FERMT2: variants seen among roughly 807,000 people sequenced by gnomAD.
FERMT2 encodes the protein fermitin family homolog 2.
In FERMT2, 15 loss-of-function variants were observed where a neutral mutation model predicts 82.7. That is an observed-to-expected ratio of 0.18 (90% confidence interval 0.12 to 0.28). The LOEUF is 0.28. Among genes scored for constraint, FERMT2 ranks in the 10% least tolerant of loss-of-function variants. The pLI is 1.00. For missense variants in FERMT2, 645 were observed against 809.4 expected, an observed-to-expected ratio of 0.80 and a Z score of 2.46; for synonymous variants, 274 against 271.5, an observed-to-expected ratio of 1.01 and a Z score of -0.09.
At chr14:52,928,259 C>T (rs931940175) in intron 2 of FERMT2, 2 of 206,024 alleles carry the variant, frequency 9.7e-6, no homozygotes, top group South Asian at 8.0e-5. Context: ...CTTATAAGCA[C>T]AGATAACTTT....
At chr14:52,859,491 G>C in intron 14 of FERMT2, 82 bp downstream of exon 14, 7 of 1,251,198 alleles carry the variant, frequency 5.6e-6, no homozygotes, top group Non-Finnish European at 7.4e-6. Context: ...ATAATCATCA[G>C]AATTTATAGG....
intron 7 of FERMT2, among the ~76,000 whole-genome samples, chr14:52,877,069 C>T (rs563718039): frequency 1.2e-4 from 19 of 152,260 alleles, no homozygotes; most frequent in African/African-American, 4.6e-4. Flanking sequence ...GCTGCAGAAT[C>T]ATGCCATTCC....
chr14:52,860,465 T>C lies in FERMT2; in HGVS notation c.1603A>G (p.Ile535Val), dbSNP rs764214654. The change falls in exon 13 of 15, where the codon ATA becomes GTA. Residue 535 changes from isoleucine to valine, a missense_variant and splice_region_variant. Coordinates refer to ENST00000341590, the MANE Select transcript of FERMT2 (RefSeq NM_006832.3). ...TGGGCCTCCAAGATTCTCGCTGTTA[T>C]CTAAACATGAGTAAACATCACCTTT... ...RYLKKYKNKQ[I>V]TARILEAHQN... The C allele has an allele frequency of 5.0e-6, 8 of 1,611,428 alleles. No homozygotes were observed. Among genetic ancestry groups the C allele is most frequent in the African/African-American group, 1.3e-5 (1 of 74,928 alleles).
At chr14:52,936,151 G>A (rs1055758456) in intron 2 of FERMT2, among the ~76,000 whole-genome samples, 1 of 152,076 alleles carries the variant, frequency 6.6e-6, no homozygotes, top group African/African-American at 2.4e-5. Flanking sequence ...AGTTAGTATT[G>A]GACTTAGAGA....
intron 14 of FERMT2, 74 bp downstream of exon 14, chr14:52,859,499 A>C: frequency 2.1e-5 from 26 of 1,239,956 alleles, no homozygotes; most frequent in Non-Finnish European, 2.7e-5. Flanking sequence ...CAGAATTTAT[A>C]GGCCTTTTTA....
chr14:52,931,193 A>G lies in FERMT2; in HGVS notation c.158-11837T>C, dbSNP rs561274504. Among the ~76,000 whole-genome samples the G allele has an allele frequency of 1.7e-3, 254 of 152,342 alleles. 3 individuals are homozygous for G. Among genetic ancestry groups the G allele is most frequent in the African/African-American group, 1.4e-3 (60 of 41,586 alleles). ...GTTGGGCAATGGAATATAAAAATTA[A>G]TAAGAATTACCATCCCAGTGGCACT... is the stretch of plus-strand genomic sequence containing the variant. On this transcript the variant is annotated intron_variant, in intron 2 of 14. Coordinates refer to ENST00000341590, the MANE Select transcript of FERMT2 (RefSeq NM_006832.3).
chr14:52,935,624 C>A (rs560868977), intron 2 of FERMT2, among the ~76,000 whole-genome samples: 1 of 152,172 alleles, frequency 6.6e-6, no homozygotes, highest in South Asian at 2.1e-4. Context: ...TTAGATCTGG[C>A]AGCCTCCAGA....
intron 12 of FERMT2, chr14:52,861,058 GA>G: frequency 6.8e-7 from 1 of 1,469,860 alleles, no homozygotes; most frequent in Non-Finnish European, 9.0e-7. Context: ...TGCGAGGAAA[GA>G]AAAAGGAAGC....
intron 3 of FERMT2, among the ~76,000 whole-genome samples, chr14:52,913,048 CTTG>C (rs972593161): frequency 6.6e-6 from 1 of 152,092 alleles, no homozygotes; most frequent in Admixed American, 6.5e-5. Flanking sequence ...GCTTTCTTTT[CTTG>C]TTTATACAAA....
chr14:52,863,587 A>G (rs985397153), intron 12 of FERMT2: 69 of 152,336 alleles, frequency 4.5e-4, no homozygotes, highest in African/African-American at 1.6e-3. Flanking sequence ...TTATGGTATT[A>G]ATTTCCAAAG....
chr14:52,924,644 A>G (rs995914678), intron 2 of FERMT2, among the ~76,000 whole-genome samples: 1 of 152,198 alleles, frequency 6.6e-6, no homozygotes, highest in Non-Finnish European at 1.5e-5. Flanking sequence ...CAACCATTTC[A>G]GTTATAATGG....
intron 2 of FERMT2, among the ~76,000 whole-genome samples, chr14:52,936,428 T>A (rs529736538): frequency 2.0e-5 from 3 of 152,312 alleles, no homozygotes; most frequent in African/African-American, 7.2e-5. Flanking sequence ...ATCTGATGTC[T>A]CCCCCTATTT....
chr14:52,922,873 G>A (rs1889040560), intron 2 of FERMT2, among the ~76,000 whole-genome samples: 1 of 152,154 alleles, frequency 6.6e-6, no homozygotes, highest in Admixed American at 6.6e-5. Flanking sequence ...CTTAACAAGG[G>A]GGATAAGATC....
At chr14:52,932,496 G>A (rs957936870) in intron 2 of FERMT2, among the ~76,000 whole-genome samples, 2 of 152,148 alleles carry the variant, frequency 1.3e-5, no homozygotes, top group African/African-American at 2.4e-5. Context: ...AAGAGGTTAT[G>A]GTTAGCAGCC....
intron 2 of FERMT2, among the ~76,000 whole-genome samples, chr14:52,930,984 G>A (rs980344151): frequency 9.2e-5 from 14 of 152,118 alleles, no homozygotes; most frequent in Admixed American, 2.0e-4. Context: ...TTCGATTTTA[G>A]AGTTGGGGAT....
intron 12 of FERMT2, chr14:52,861,814 G>C (rs1884958036): frequency 6.6e-6 from 1 of 152,110 alleles, no homozygotes; most frequent in South Asian, 2.1e-4. Context: ...ATTAAAGTAG[G>C]TTAAATACAA....
Position 52,873,007 on chromosome 14 carries a change from T to C in FERMT2, c.1149-84A>G. 6 of 1,369,456 alleles carry C rather than the reference T, an allele frequency of 4.4e-6. No homozygotes were observed. The South Asian group carries it at 6.4e-5, about 15-fold the overall frequency. The allele number at this position is 1,369,456 out of a possible 1,614,324, so 84.8% of individuals were successfully genotyped here. A position where few individuals can be genotyped will look rare whatever the true frequency, so the allele number is the denominator to read the frequency against. ...ATTAGCAAAGTTTCACAATATTAAT[T>C]TAAGTCTGGGGTCAAGTTTTACACG... is the stretch of plus-strand genomic sequence containing the variant. On this transcript the variant is annotated intron_variant, in intron 9 of 14. Coordinates refer to ENST00000341590, the MANE Select transcript of FERMT2 (RefSeq NM_006832.3).
chr14:52,893,436 A>G lies in FERMT2; in HGVS notation c.392-9T>C, dbSNP rs750630471. On this transcript the variant is annotated splice_polypyrimidine_tract_variant and intron_variant, in intron 3 of 14. Coordinates refer to ENST00000341590, the MANE Select transcript of FERMT2 (RefSeq NM_006832.3). The stretch of plus-strand genomic sequence containing the variant: ...TTCGGGGTGTCTGATATCTGTTAAT[A>G]AAATAGATTGTTTTACTAGAACAAA... 4 of 1,571,956 alleles carry G rather than the reference A, an allele frequency of 2.5e-6. No homozygotes were observed. Among genetic ancestry groups the G allele is most frequent in the African/African-American group, 2.8e-5 (2 of 72,514 alleles).
At chr14:52,924,505 T>C (rs1367974344) in intron 2 of FERMT2, among the ~76,000 whole-genome samples, 3 of 152,112 alleles carry the variant, frequency 2.0e-5, no homozygotes, top group African/African-American at 4.8e-5. Flanking sequence ...GTCTAGGAAA[T>C]GGTTTTAAGC....
Sources: allele counts gnomAD v4.1 joint callset (sites outside exome capture counted in the v4.1 genomes callset), GRCh38; gene constraint gnomAD v4.1.1; transcripts MANE v1.5; gene names NCBI Gene and HGNC (gene_info 2026-07-23, HGNC 2026-07-21).